The following SGCZ variants were observed in gnomAD, a reference collection of about 807,000 sequenced individuals.
SGCZ encodes the protein zeta-sarcoglycan.
In SGCZ, 40 loss-of-function variants were observed where a neutral mutation model predicts 41.3. The observed-to-expected ratio is 0.97, with a 90% CI of 0.75 to 1.26. The LOEUF is 1.26. SGCZ is among the 50% of genes most tolerant of loss of function. The probability of loss-of-function intolerance (pLI) is 0.00; values close to 1 mark genes in which losing one functional copy is unlikely to be tolerated. For missense variants in SGCZ, 552 were observed against 369.8 expected, an observed-to-expected ratio of 1.49 and a Z score of -4.04; for synonymous variants, 206 against 137.5, an observed-to-expected ratio of 1.50 and a Z score of -3.49.
At chr8:14,719,074 A>G (rs1809795781) in intron 1 of SGCZ, among the ~76,000 whole-genome samples, 2 of 132,466 alleles carry the variant, frequency 1.5e-5, no homozygotes, top group Non-Finnish European at 3.1e-5. Context: ...TCATTGTTCA[A>G]CTCCCACCTA....
At chr8:15,134,027 GTA>G in intron 1 of SGCZ, among the ~76,000 whole-genome samples, 1 of 152,066 alleles carries the variant, frequency 6.6e-6, no homozygotes, top group South Asian at 2.1e-4. Context: ...ATCAGCTTAA[GTA>G]TGTGCTGATT....
At chr8:14,693,745 C>T (rs1042511730) in intron 1 of SGCZ, among the ~76,000 whole-genome samples, 14 of 151,870 alleles carry the variant, frequency 9.2e-5, no homozygotes, top group African/African-American at 3.1e-4. Flanking sequence ...CGCCTGCCAC[C>T]ACTCCCAGCT....
At position 14,386,078 on chromosome 8, in the gene SGCZ, T is replaced by C. The variant is rs551737088; in HGVS notation, c.235-61874A>G. 5.3e-5 allele frequency among the ~76,000 whole-genome samples: 8 copies of C among 152,264 alleles called. No homozygotes were observed. In the South Asian group the frequency reaches 6.2e-4, roughly 12 times the overall value. ...TTGTTTTTATTTTCTAAATATTTTT[T>C]CCAAATATATTCAGTCTTCGGTTGG... On this transcript the variant is annotated intron_variant, in intron 2 of 7. Transcript: ENST00000382080.
chr8:15,186,889 A>C (rs182414916), intron 1 of SGCZ, among the ~76,000 whole-genome samples: 2 of 152,220 alleles, frequency 1.3e-5, no homozygotes, highest in African/African-American at 4.8e-5. Flanking sequence ...TATTGGCTTT[A>C]TTGACTAGTA....
chr8:14,927,099 A>ATT (rs1563368643), intron 1 of SGCZ, among the ~76,000 whole-genome samples: 6 of 129,634 alleles, frequency 4.6e-5, no homozygotes, highest in African/African-American at 1.7e-4. Flanking sequence ...AAAGTTCCTG[A>ATT]TTCTTTTTTT....
At chr8:14,353,512 T>C (rs1476205433) in intron 2 of SGCZ, among the ~76,000 whole-genome samples, 5 of 152,088 alleles carry the variant, frequency 3.3e-5, no homozygotes, top group Non-Finnish European at 7.4e-5. Context: ...TTAAGGTGTC[T>C]TCCCCATTCC....
Position 14,814,808 on chromosome 8 carries a change from G to A in SGCZ, c.40-259882C>T, listed in dbSNP as rs141794275. Among the ~76,000 whole-genome samples, 213 of 152,188 alleles carry A rather than the reference G, an allele frequency of 1.4e-3. 3 individuals are homozygous for A. The highest frequency in any genetic ancestry group is 6.3e-3 in the Admixed American group (97 of 15,284). The stretch of plus-strand genomic sequence containing the variant: ...GAGCAAGGTATTATGACTGAAAACA[G>A]TACTTTTTCAGCCAACTATGGTAAT... On this transcript the variant is annotated intron_variant, in intron 1 of 7. Coordinates refer to ENST00000382080, the MANE Select transcript of SGCZ (RefSeq NM_139167.4).
At chr8:14,948,105 G>C (rs1800512656) in intron 1 of SGCZ, among the ~76,000 whole-genome samples, 1 of 152,112 alleles carries the variant, frequency 6.6e-6, no homozygotes, top group South Asian at 2.1e-4. Flanking sequence ...GAAGAGACTG[G>C]TACTATTCTT....
chr8:14,496,568 A>G (rs1801994513), intron 2 of SGCZ, among the ~76,000 whole-genome samples: 1 of 152,176 alleles, frequency 6.6e-6, no homozygotes, highest in African/African-American at 2.4e-5. Flanking sequence ...AAGAAACTCT[A>G]TGCTAAAGCT....
chr8:14,669,702 A>G (rs958919307), intron 1 of SGCZ, among the ~76,000 whole-genome samples: 1 of 97,436 alleles, frequency 1.0e-5, no homozygotes, highest in African/African-American at 3.1e-5. Flanking sequence ...ATACACACAC[A>G]CACACACACA....
At chr8:15,194,201 A>T (rs1488380077) in intron 1 of SGCZ, among the ~76,000 whole-genome samples, 2 of 151,386 alleles carry the variant, frequency 1.3e-5, no homozygotes. Flanking sequence ...ACACACACAC[A>T]CACACACACA....
chr8:14,824,317 A>G (rs575088296), intron 1 of SGCZ, among the ~76,000 whole-genome samples: 1 of 152,258 alleles, frequency 6.6e-6, no homozygotes, highest in South Asian at 2.1e-4. Context: ...TTATTGGATC[A>G]TTATACAACA....
intron 1 of SGCZ, among the ~76,000 whole-genome samples, chr8:14,597,002 G>A (rs1805434170): frequency 6.6e-6 from 1 of 152,102 alleles, no homozygotes; most frequent in Non-Finnish European, 1.5e-5. Context: ...TATAAGACTA[G>A]AAAATTGTGA....
intron 2 of SGCZ, among the ~76,000 whole-genome samples, chr8:14,413,869 C>T (rs570763330): frequency 2.0e-5 from 3 of 152,042 alleles, no homozygotes; most frequent in South Asian, 4.1e-4. Context: ...GATTTGTTCT[C>T]TGATATATCC....
chr8:14,913,830 G>A (rs1325689102), intron 1 of SGCZ, among the ~76,000 whole-genome samples: 1 of 150,544 alleles, frequency 6.6e-6, no homozygotes, highest in Admixed American at 6.6e-5. Context: ...TTTAGTCATA[G>A]GTTTTCCAAG....
intron 4 of SGCZ, among the ~76,000 whole-genome samples, chr8:14,176,978 A>G (rs1330398986): frequency 6.6e-6 from 1 of 152,116 alleles, no homozygotes; most frequent in African/African-American, 2.4e-5. Flanking sequence ...TTGGTCTCTG[A>G]GCTCCTTCCT....
intron 2 of SGCZ, among the ~76,000 whole-genome samples, chr8:14,535,529 C>T (rs1803268027): frequency 6.6e-6 from 1 of 151,904 alleles, no homozygotes; most frequent in Non-Finnish European, 1.5e-5. Context: ...ATTATTTCAT[C>T]TACCCCAAAA....
At chr8:15,037,210 A>G (rs1803905505) in intron 1 of SGCZ, among the ~76,000 whole-genome samples, 1 of 152,142 alleles carries the variant, frequency 6.6e-6, no homozygotes, top group South Asian at 2.1e-4. Context: ...GTAGGAGATA[A>G]CTGAATCATA....
intron 1 of SGCZ, among the ~76,000 whole-genome samples, chr8:15,162,094 A>G (rs1431927537): frequency 2.0e-5 from 3 of 152,224 alleles, no homozygotes; most frequent in Non-Finnish European, 4.4e-5. Flanking sequence ...AAGAATTTTA[A>G]TCTTACACTT....
Sources: gnomAD v4.1 joint callset for allele counts (sites outside exome capture counted in the v4.1 genomes callset) on GRCh38, gnomAD v4.1.1 for gene constraint, MANE v1.5 for transcripts, NCBI Gene and HGNC (gene_info 2026-07-23, HGNC 2026-07-21) for gene names.